The following RNF216 variants were observed in gnomAD, a reference collection of about 807,000 sequenced individuals.
RNF216 encodes the protein ring finger protein 216.
A neutral mutation model predicts 110.8 loss-of-function variants in RNF216; 72 were observed. The ratio of observed to expected loss-of-function variants is 0.65; its 90% CI spans 0.54 to 0.79. The LOEUF is 0.79. Ranked by LOEUF, RNF216 falls within the 30% of genes least tolerant of loss-of-function variation. The pLI, the probability that RNF216 is intolerant of heterozygous loss-of-function variation, is 0.00. For synonymous variants in RNF216, 495 were observed against 407.5 expected, an observed-to-expected ratio of 1.21 and a Z score of -2.59; for missense variants, 1,342 against 1,141.2, an observed-to-expected ratio of 1.18 and a Z score of -2.54.
At chr7:5,778,137 C>T (rs900163687) in intron 1 of RNF216, among the ~76,000 whole-genome samples, 1 of 152,182 alleles carries the variant, frequency 6.6e-6, no homozygotes, top group Non-Finnish European at 1.5e-5. Flanking sequence ...GAAATCCTTA[C>T]CATGGCCTAC....
At chr7:5,712,107 C>T (rs76746554) in intron 12 of RNF216, among the ~76,000 whole-genome samples, 3,155 of 152,296 alleles carry the variant, frequency 0.021, 57 homozygotes, top group Non-Finnish European at 0.03. Context: ...TTGCATATAC[C>T]GATTTCCCTC....
At chr7:5,669,436 C>T (rs1033028289) in intron 13 of RNF216, among the ~76,000 whole-genome samples, 1 of 152,146 alleles carries the variant, frequency 6.6e-6, no homozygotes. Context: ...TTACTCAATG[C>T]TTATGAAATC....
At chr7:5,751,874 T>TA (rs1446106514) in intron 3 of RNF216, among the ~76,000 whole-genome samples, 29 of 112,896 alleles carry the variant, frequency 2.6e-4, no homozygotes, top group Non-Finnish European at 3.4e-4. Flanking sequence ...ATTTGTAGTT[T>TA]AAAAAAAACA....
intron 13 of RNF216, among the ~76,000 whole-genome samples, chr7:5,655,762 G>A (rs1239299304): frequency 6.8e-6 from 1 of 147,266 alleles, no homozygotes; most frequent in Non-Finnish European, 1.5e-5. Context: ...TCTAAACAGT[G>A]TAAATTTTAC....
At chr7:5,712,339 G>A (rs1250949408) in intron 12 of RNF216, among the ~76,000 whole-genome samples, 3 of 152,140 alleles carry the variant, frequency 2.0e-5, no homozygotes, top group African/African-American at 7.2e-5. Flanking sequence ...GGAATGTGGT[G>A]GTGCACGCCT....
rs199543105 is a variant in RNF216, at chr7:5,644,100, GTTTT to G, written c.2160-2728_2160-2725del. Among the ~76,000 whole-genome samples, 4 of 151,984 alleles carry G rather than the reference GTTTT, an allele frequency of 2.6e-5. No homozygotes were observed. In the South Asian group the frequency reaches 6.2e-4, roughly 24 times the overall value. On this transcript the variant is annotated intron_variant, in intron 14 of 16. Transcript: ENST00000389902. ...GTTTATTCATGAGTTGATGGATTGA[GTTTT>G]TTTTGCTTTTTGGCTGGTGTGAATT...
At chr7:5,660,246 C>T (rs1442474646) in intron 13 of RNF216, among the ~76,000 whole-genome samples, 1 of 135,194 alleles carries the variant, frequency 7.4e-6, no homozygotes, top group Non-Finnish European at 1.5e-5. Context: ...AGCCACAGAG[C>T]CCGGCCCTGT....
chr7:5,724,301 CA>C (rs1312030188), intron 8 of RNF216, among the ~76,000 whole-genome samples: 1 of 152,184 alleles, frequency 6.6e-6, no homozygotes, highest in East Asian at 1.9e-4. Context: ...ACAACCATGG[CA>C]GGACATTTCA....
intron 15 of RNF216, among the ~76,000 whole-genome samples, chr7:5,637,065 G>A (rs1191456627): frequency 1.3e-5 from 2 of 152,146 alleles, no homozygotes; most frequent in Non-Finnish European, 2.9e-5. Flanking sequence ...AATACTGCCT[G>A]TGGAGCTCTT....
rs1362547915 is a variant in RNF216, at chr7:5,680,001, A to T, written c.2062-27491T>A. ...CTCTTGCTGGGATCATTACATCCTCAGTCCTCTGCTACCAGAATAATCATG... is the reference window on the plus strand; with the variant it reads ...CTCTTGCTGGGATCATTACATCCTCTGTCCTCTGCTACCAGAATAATCATG... On this transcript the variant is annotated intron_variant, in intron 13 of 16. Transcript: ENST00000389902. The surrounding 1 kb of genome is among the most constrained non-coding windows in gnomAD (Gnocchi z 4.3). 6.6e-6 allele frequency among the ~76,000 whole-genome samples: 1 copy of T among 152,152 alleles called. No homozygotes were observed. The highest frequency in any genetic ancestry group is 1.5e-5 in the Non-Finnish European group (1 of 68,034).
intron 1 of RNF216, chr7:5,780,344 C>T (rs992794455): frequency 6.6e-6 from 1 of 152,132 alleles, no homozygotes; most frequent in Admixed American, 6.6e-5. Context: ...CGTCACAGTG[C>T]TTCTTCTGTA....
At chr7:5,650,833 G>C (rs1788342875) in intron 14 of RNF216, among the ~76,000 whole-genome samples, 2 of 152,296 alleles carry the variant, frequency 1.3e-5, no homozygotes, top group Non-Finnish European at 1.5e-5. Flanking sequence ...AATCACATGG[G>C]CCTCAGCCGC....
chr7:5,650,372 A>G (rs139597896), intron 14 of RNF216, among the ~76,000 whole-genome samples: 1 of 152,340 alleles, frequency 6.6e-6, no homozygotes, highest in East Asian at 1.9e-4. Flanking sequence ...CCAGGAACCG[A>G]TAGGACAATC....
At chr7:5,727,369 T>C (rs990856900) in intron 7 of RNF216, among the ~76,000 whole-genome samples, 3 of 152,210 alleles carry the variant, frequency 2.0e-5, no homozygotes, top group African/African-American at 4.8e-5. Flanking sequence ...TAATCTATGC[T>C]TATTATTGAG....
rs1319218446 is a variant in RNF216 at position 5,741,090 on chromosome 7, TTCA to T, written c.924_926del (p.Asp308del). On this transcript the variant is annotated inframe_deletion, in exon 4 of 17. Transcript: ENST00000389902. The stretch of plus-strand genomic sequence containing the variant: ...GCATTGGAAAGGCTGGACCTGGCTC[TTCA>T]TCATCACTTGCTAACTGCTGGTCTT... 6.2e-7 allele frequency: 1 copy of T among 1,614,162 alleles called. No individual in the cohort carries two copies. The highest frequency in any genetic ancestry group is 8.5e-7 in the Non-Finnish European group (1 of 1,180,026).
chr7:5,720,973 A>T (rs1434438659), intron 9 of RNF216, 60 bp downstream of exon 9: 9 of 1,554,470 alleles, frequency 5.8e-6, no homozygotes, highest in Admixed American at 1.8e-5. Context: ...TACTAACTAA[A>T]CCCTAAGAGC....
At position 5,645,751 on chromosome 7, in the gene RNF216, C is replaced by T. The variant is rs573435343; in HGVS notation, c.2160-4375G>A. On this transcript the variant is annotated intron_variant, in intron 14 of 16. Transcript: ENST00000389902. ...GACTACAGGCGCCCGCCACCACATCCAGCTAATTTTTGTGTTTTTAGTAGA... is the reference window on the plus strand; with the variant it reads ...GACTACAGGCGCCCGCCACCACATCTAGCTAATTTTTGTGTTTTTAGTAGA... Among the ~76,000 whole-genome samples the T allele has an allele frequency of 3.9e-4, 59 of 152,232 alleles. No individual in the cohort carries two copies. In the South Asian group the frequency reaches 0.011, roughly 29 times the overall value.
intron 14 of RNF216, among the ~76,000 whole-genome samples, chr7:5,645,301 C>T (rs982082212): frequency 6.6e-6 from 1 of 152,146 alleles, no homozygotes; most frequent in Non-Finnish European, 1.5e-5. Context: ...AGTTTTCAGC[C>T]ATTATTTCTT....
At chr7:5,762,872 T>G (rs1304480204) in intron 1 of RNF216, among the ~76,000 whole-genome samples, 1 of 152,186 alleles carries the variant, frequency 6.6e-6, no homozygotes, top group Non-Finnish European at 1.5e-5. Context: ...AGACAAAACA[T>G]GAACATATGT....
Sources: gnomAD v4.1 joint callset for allele counts (sites outside exome capture counted in the v4.1 genomes callset) on GRCh38, gnomAD v4.1.1 for gene constraint, Gnocchi (gnomAD v3.1) non-coding constraint, MANE v1.5 for transcripts, NCBI Gene and HGNC (gene_info 2026-07-23, HGNC 2026-07-21) for gene names.